Variants in TMEM164 observed in about 807,000 individuals in gnomAD.
TMEM164 encodes the protein transmembrane protein 164, also known as RP13-360B22.2.
Under a neutral mutation model 18.8 loss-of-function variants are expected in TMEM164, and 4 were observed. That is an observed-to-expected ratio of 0.21 (90% CI 0.10 to 0.49). TMEM164 has a LOEUF of 0.49. Ranked by LOEUF, TMEM164 falls within the 20% of genes least tolerant of loss-of-function variation. The pLI is 0.98. For missense variants in TMEM164, 108 were observed against 239.9 expected (o/e 0.45, Z 3.63); for synonymous variants, 86 against 101.7 (o/e 0.85, Z 0.93).
At chrX:110,029,139 C>A (rs987285640) in intron 2 of TMEM164, among the ~76,000 whole-genome samples, 34 of 111,229 alleles carry the variant, frequency 3.1e-4, no homozygotes, top group African/African-American at 1.1e-3. Context: ...CCCTTAAAAT[C>A]AAAATTGCAC....
rs972176470 is a variant in TMEM164 at position 110,039,335 on chromosome X, G to C, written c.391-28012G>C. 3.6e-5 allele frequency among the ~76,000 whole-genome samples: 4 copies of C among 112,643 alleles called. No individual in the cohort carries two copies. In the Admixed American group the frequency reaches 3.7e-4, roughly 11 times the overall value. On this transcript the variant is annotated intron_variant, in intron 2 of 6. Coordinates refer to ENST00000372068, the MANE Select transcript of TMEM164 (RefSeq NM_032227.4). ...GAAGATATTTATCCTCAGGGCAAGA[G>C]ACATTGGGTGTGAGGGATTTAAGGA...
At chrX:110,069,219 G>A (rs917179243) in intron 3 of TMEM164, among the ~76,000 whole-genome samples, 2 of 111,482 alleles carry the variant, frequency 1.8e-5, no homozygotes, top group South Asian at 3.7e-4. Context: ...AATAGATATC[G>A]CCATATTGAT....
At chrX:110,073,485 C>T (rs975551467) in intron 3 of TMEM164, among the ~76,000 whole-genome samples, 7 of 112,295 alleles carry the variant, frequency 6.2e-5, no homozygotes, top group African/African-American at 1.6e-4. Flanking sequence ...GGCATGACTT[C>T]ATTCTTTTTA....
chrX:110,005,700 C>A (rs1450012325), intron 2 of TMEM164, among the ~76,000 whole-genome samples: 1 of 112,154 alleles, frequency 8.9e-6, no homozygotes, highest in Non-Finnish European at 1.9e-5. Context: ...CCCAGCTAGA[C>A]CTTCTGTGTA....
At position 110,111,535 on chromosome X, in the gene TMEM164, T is replaced by C. The variant is rs140233171; in HGVS notation, c.507+2389T>C. ...TCTATCAGATCCCAGAAAAGGAAGGTGCATCAGAAAATCTCCCCCTAGGCT... is the reference window on the plus strand; with the variant it reads ...TCTATCAGATCCCAGAAAAGGAAGGCGCATCAGAAAATCTCCCCCTAGGCT... On this transcript the variant is annotated intron_variant, in intron 4 of 6. Coordinates refer to ENST00000372068, the MANE Select transcript of TMEM164 (RefSeq NM_032227.4). Among the ~76,000 whole-genome samples, 3 of 111,981 alleles carry C rather than the reference T, an allele frequency of 2.7e-5. No individual in the cohort carries two copies. The East Asian group carries it at 8.4e-4, about 31-fold the overall frequency.
intron 2 of TMEM164, among the ~76,000 whole-genome samples, chrX:110,054,796 T>TGG (rs1335744268): frequency 6.3e-5 from 7 of 111,873 alleles, no homozygotes; most frequent in Admixed American, 1.9e-4. Flanking sequence ...TCTAGTGGAT[T>TGG]GGGTCACACT....
intron 3 of TMEM164, among the ~76,000 whole-genome samples, chrX:110,097,548 A>G (rs759847555): frequency 3.6e-5 from 4 of 112,491 alleles, no homozygotes; most frequent in African/African-American, 6.5e-5. Context: ...AAACAACACT[A>G]TATGTGATTT....
At chrX:110,092,471 A>T (rs1376625962) in intron 3 of TMEM164, among the ~76,000 whole-genome samples, 2 of 111,614 alleles carry the variant, frequency 1.8e-5, no homozygotes, top group Non-Finnish European at 3.8e-5. Context: ...CTTTGAAGCA[A>T]TTGTGAATGG....
intron 3 of TMEM164, among the ~76,000 whole-genome samples, chrX:110,103,663 A>G (rs934730644): frequency 6.3e-5 from 7 of 111,764 alleles, no homozygotes; most frequent in African/African-American, 9.8e-5. Flanking sequence ...CTCTAGCCAG[A>G]AAGGTTTTTA....
intron 4 of TMEM164, among the ~76,000 whole-genome samples, chrX:110,124,184 AAGGC>A (rs376611382): frequency 1.8e-3 from 90 of 49,046 alleles, no homozygotes; most frequent in Admixed American, 3.6e-3. Context: ...GGAAGGCAGG[AAGGC>A]AGGCAGGCAG....
chrX:110,024,143 A>G (rs1934066367), intron 2 of TMEM164, among the ~76,000 whole-genome samples: 1 of 112,823 alleles, frequency 8.9e-6, no homozygotes, highest in Non-Finnish European at 1.9e-5. Context: ...GAGAGAATAC[A>G]TAGTTCATCA....
chrX:110,041,662 A>T (rs1935098200), intron 2 of TMEM164, among the ~76,000 whole-genome samples: 2 of 112,237 alleles, frequency 1.8e-5, no homozygotes, highest in African/African-American at 6.5e-5. Flanking sequence ...TTCCCTAATG[A>T]AATATTTCTA....
intron 4 of TMEM164, among the ~76,000 whole-genome samples, chrX:110,114,552 C>T (rs1269358181): frequency 8.9e-6 from 1 of 111,851 alleles, no homozygotes; most frequent in African/African-American, 3.3e-5. Context: ...ATTAGATTTT[C>T]AGTTACAGTA....
intron 4 of TMEM164, among the ~76,000 whole-genome samples, chrX:110,131,119 A>G (rs2066606491): frequency 8.9e-6 from 1 of 111,786 alleles, no homozygotes; most frequent in African/African-American, 3.3e-5. Flanking sequence ...GTTAGAAGTA[A>G]CAGGCCAGGG....
chrX:110,086,385 G>C (rs1223968515), intron 3 of TMEM164, among the ~76,000 whole-genome samples: 1 of 111,203 alleles, frequency 9.0e-6, no homozygotes, highest in Non-Finnish European at 1.9e-5. Flanking sequence ...TTTAACTGTT[G>C]TTGGAGCATG....
intron 3 of TMEM164, among the ~76,000 whole-genome samples, chrX:110,093,178 T>G (rs980341939): frequency 2.7e-5 from 3 of 111,862 alleles, no homozygotes; most frequent in Non-Finnish European, 5.6e-5. Flanking sequence ...TCTCTTTTTT[T>G]GTTGTGTCTC....
chrX:110,104,423 G>A (rs765357145), intron 3 of TMEM164, among the ~76,000 whole-genome samples: 1 of 111,670 alleles, frequency 9.0e-6, no homozygotes, highest in African/African-American at 3.3e-5. Context: ...ATTTTTCATG[G>A]TGTTTAGTGC....
intron 2 of TMEM164, among the ~76,000 whole-genome samples, chrX:110,041,383 T>G (rs1220444145): frequency 4.5e-5 from 5 of 111,894 alleles, no homozygotes; most frequent in Non-Finnish European, 9.4e-5. Flanking sequence ...GTACTTTTTT[T>G]GCAAACCACC....
intron 2 of TMEM164, among the ~76,000 whole-genome samples, chrX:110,057,537 A>G (rs952517319): frequency 9.3e-6 from 1 of 107,650 alleles, no homozygotes; most frequent in Non-Finnish European, 1.9e-5. Flanking sequence ...TTGCTGTGTC[A>G]TAGAATAGGT....
Sources: gnomAD v4.1 joint callset for allele counts (sites outside exome capture counted in the v4.1 genomes callset) on GRCh38, gnomAD v4.1.1 for gene constraint, MANE v1.5 for transcripts, NCBI Gene and HGNC (gene_info 2026-07-23, HGNC 2026-07-21) for gene names.